Variants in COL6A6 observed in about 807,000 individuals in gnomAD.
The protein encoded by COL6A6 is collagen alpha-6(VI) chain.
A neutral mutation model predicts 208.6 loss-of-function variants in COL6A6; 183 were observed. The ratio of observed to expected loss-of-function variants is 0.88; its 90% confidence interval spans 0.78 to 0.99. COL6A6 has a LOEUF of 0.99. COL6A6 is among the 50% of genes least tolerant of loss of function. The pLI is 0.00. For missense variants in COL6A6, 2,816 were observed against 2,815.2 expected, an observed-to-expected ratio of 1.00 and a Z score of -0.01; for synonymous variants, 973 against 1,011.8, an observed-to-expected ratio of 0.96 and a Z score of 0.73.
intron 33 of COL6A6, among the ~76,000 whole-genome samples, chr3:130,651,199 G>A (rs781623369): frequency 6.6e-6 from 1 of 152,026 alleles, no homozygotes; most frequent in Non-Finnish European, 1.5e-5. Context: ...AGGCTGAGGC[G>A]GGCAGATCAC....
At chr3:130,620,239 T>C (rs530961540) in intron 23 of COL6A6, among the ~76,000 whole-genome samples, 3 of 152,286 alleles carry the variant, frequency 2.0e-5, no homozygotes, top group Non-Finnish European at 2.9e-5. Context: ...AGAAGTGATA[T>C]GTGAATTCAT....
chr3:130,564,923 T>G, intron 3 of COL6A6, 71 bp from the exon 4 acceptor site: 2 of 1,534,428 alleles, frequency 1.3e-6, no homozygotes, highest in South Asian at 1.3e-5. Flanking sequence ...ATGGTCTTCA[T>G]GCCTTCTAAT....
intron 7 of COL6A6, among the ~76,000 whole-genome samples, chr3:130,572,759 A>T (rs995209615): frequency 1.7e-4 from 26 of 152,204 alleles, no homozygotes; most frequent in Admixed American, 1.7e-3. Context: ...ACCAATTCCT[A>T]AAGGATCGAT....
At chr3:130,622,204 C>CCG (rs2064743710) in intron 24 of COL6A6, among the ~76,000 whole-genome samples, 1 of 107,982 alleles carries the variant, frequency 9.3e-6, no homozygotes, top group Non-Finnish European at 1.8e-5. Flanking sequence ...CCCCCGCCTA[C>CCG]CCCCCCCTTT....
In COL6A6 at chr3:130,658,788, A is replaced by G. The variant is rs754891357; in HGVS notation, c.5830+16A>G. 5.7e-6 allele frequency: 9 copies of G among 1,591,632 alleles called. No homozygotes were observed. The South Asian group carries it at 1.0e-4, about 18-fold the overall frequency. On this transcript the variant is annotated intron_variant, in intron 34 of 36. Transcript: ENST00000358511. Reference sequence around the variant, plus strand: ...TTCTGCTATGGTAAGACCCACAGAGAGAAGGTAATTTGGTCAGGCCTATTA... The same window carrying G: ...TTCTGCTATGGTAAGACCCACAGAGGGAAGGTAATTTGGTCAGGCCTATTA...
In COL6A6 at chr3:130,565,634, GAA is replaced by G; in HGVS notation, c.1282+21_1282+22del. The G allele has an allele frequency of 6.3e-7, 1 of 1,587,304 alleles. No homozygotes were observed. Among genetic ancestry groups the G allele is most frequent in the Non-Finnish European group, 8.6e-7 (1 of 1,167,358 alleles). On this transcript the variant is annotated intron_variant, in intron 4 of 36. Transcript: ENST00000358511. The stretch of plus-strand genomic sequence containing the variant: ...AATCTGGTAAGGTCTTCTGCTGAAA[GAA>G]GGGTTGTTTGGATTCTTTTTTTCTT...
intron 23 of COL6A6, among the ~76,000 whole-genome samples, chr3:130,621,425 T>C (rs769323463): frequency 6.6e-6 from 1 of 152,234 alleles, no homozygotes; most frequent in Non-Finnish European, 1.5e-5. Context: ...GATCATTTTG[T>C]CTTCCAAAAA....
chr3:130,548,705 G>T (rs1158326762), intron 1 of COL6A6, among the ~76,000 whole-genome samples: 4 of 152,220 alleles, frequency 2.6e-5, no homozygotes, highest in African/African-American at 9.7e-5. Context: ...ACAAAAGTGG[G>T]TTCTCTACGC....
intron 1 of COL6A6, among the ~76,000 whole-genome samples, chr3:130,549,714 T>C (rs560460972): frequency 2.6e-5 from 4 of 152,162 alleles, no homozygotes; most frequent in Admixed American, 2.0e-4. Flanking sequence ...TGTGCAGCCT[T>C]ATGTCTGGGC....
Position 130,665,055 on chromosome 3 carries a change from TAACTC to T in COL6A6, c.6556_6560del (p.Asn2186TyrfsTer19). 7 of 1,610,746 alleles carry T rather than the reference TAACTC, an allele frequency of 4.3e-6. No individual in the cohort carries two copies. The highest frequency in any genetic ancestry group is 2.2e-5 in the East Asian group (1 of 44,828). On this transcript the variant is annotated frameshift_variant, in exon 36 of 37. Coordinates refer to ENST00000358511, the MANE Select transcript of COL6A6 (RefSeq NM_001102608.3). LOFTEE classifies it low-confidence loss of function (END_TRUNC). ...ACTTAAAAATAAAGTGCAACAGACT[TAACTC>T]TATAGATCCAAAGCAGCCCCCACGA...
chr3:130,621,751 T>A, intron 23 of COL6A6, 70 bp from the exon 24 acceptor site: 2 of 1,342,424 alleles, frequency 1.5e-6, no homozygotes, highest in Non-Finnish European at 2.1e-6. Flanking sequence ...TTTCCTCTTA[T>A]AAGACAGAGG....
At chr3:130,612,039 T>C (rs889017134) in intron 23 of COL6A6, among the ~76,000 whole-genome samples, 5 of 152,184 alleles carry the variant, frequency 3.3e-5, no homozygotes, top group African/African-American at 1.2e-4. Context: ...TGGTATTTGT[T>C]TTTCTGTTCC....
At chr3:130,667,258 A>G (rs1362091149) in intron 36 of COL6A6, among the ~76,000 whole-genome samples, 1 of 152,204 alleles carries the variant, frequency 6.6e-6, no homozygotes, top group Non-Finnish European at 1.5e-5. Context: ...TGTTTGTGAG[A>G]CAGAGTTTCA....
intron 19 of COL6A6, 89 bp from the exon 20 acceptor site, chr3:130,599,668 T>G (rs2063952172): frequency 7.5e-7 from 1 of 1,337,088 alleles, no homozygotes; most frequent in Non-Finnish European, 1.1e-6. Flanking sequence ...TGAACCTATC[T>G]ATCCTCCCTG....
intron 24 of COL6A6, among the ~76,000 whole-genome samples, chr3:130,622,169 TC>T (rs2064740211): frequency 6.6e-6 from 1 of 151,324 alleles, no homozygotes. Flanking sequence ...TTCCTTTCTC[TC>T]TTCCAATCTC....
At chr3:130,595,438 C>T (rs534204111) in intron 18 of COL6A6, among the ~76,000 whole-genome samples, 3 of 152,266 alleles carry the variant, frequency 2.0e-5, no homozygotes, top group East Asian at 1.9e-4. Flanking sequence ...AGAACATTAC[C>T]AGCATCTCAG....
intron 1 of COL6A6, among the ~76,000 whole-genome samples, chr3:130,551,154 G>A (rs889761735): frequency 2.0e-5 from 3 of 151,838 alleles, no homozygotes; most frequent in African/African-American, 7.3e-5. Context: ...TGTCTTTCAG[G>A]TTTTGGTATC....
chr3:130,531,051 CACACACACAG>C (rs1207716572), intron 1 of COL6A6, among the ~76,000 whole-genome samples: 4 of 90,270 alleles, frequency 4.4e-5, no homozygotes, highest in South Asian at 4.1e-4. Context: ...CACACACACA[CACACACACAG>C]TCTCTCTCTC....
chr3:130,551,801 A>G (rs918375664), intron 1 of COL6A6, among the ~76,000 whole-genome samples: 3 of 152,174 alleles, frequency 2.0e-5, no homozygotes, highest in Non-Finnish European at 4.4e-5. Flanking sequence ...GTTTAGTGCT[A>G]TAAACCTCCC....
Sources: gnomAD v4.1 joint callset for allele counts (sites outside exome capture counted in the v4.1 genomes callset) on GRCh38, gnomAD v4.1.1 for gene constraint, MANE v1.5 for transcripts, NCBI Gene and HGNC (gene_info 2026-07-23, HGNC 2026-07-21) for gene names.